The following IL2RA variants were observed in gnomAD, a reference collection of about 807,000 sequenced individuals.
The protein encoded by IL2RA is interleukin 2 receptor subunit alpha.
IL2RA carries 24 observed loss-of-function variants against 37.8 expected under a neutral mutation model. The ratio of observed to expected loss-of-function variants is 0.63; its 90% confidence interval spans 0.46 to 0.89. IL2RA has a LOEUF of 0.89. IL2RA is among the 40% of genes least tolerant of loss of function. IL2RA has a pLI of 0.00. For missense variants in IL2RA, 319 were observed against 348.6 expected (o/e 0.92, Z 0.68); for synonymous variants, 125 against 114.6 (o/e 1.09, Z -0.58).
In IL2RA at chr10:6,018,644, A is replaced by C. The variant is rs1007820872; in HGVS notation, c.728-525T>G. Among the ~76,000 whole-genome samples, 6 of 151,740 alleles carry C rather than the reference A, an allele frequency of 4.0e-5. No homozygotes were observed. Among genetic ancestry groups the C allele is most frequent in the Non-Finnish European group, 8.8e-5 (6 of 67,944 alleles). ...ACTGGCTACGTGGCTCCTTCCTCCC[A>C]CTCTTGACCCCTGGCAGAGGCCCGG... On this transcript the variant is annotated intron_variant, in intron 6 of 7. Coordinates refer to ENST00000379959, the MANE Select transcript of IL2RA (RefSeq NM_000417.3). The surrounding 1 kb of genome is among the most constrained non-coding windows in gnomAD (Gnocchi z 5.1).
rs1429139963 is a variant in IL2RA at position 6,012,057 on chromosome 10, T to G, written c.*815A>C. 2 of 152,412 alleles carry G rather than the reference T, an allele frequency of 1.3e-5. No individual in the cohort carries two copies. The highest frequency in any genetic ancestry group is 2.9e-5 in the Non-Finnish European group (2 of 68,094). 9.4% of individuals were successfully genotyped at this position (152,412 alleles called of 1,614,324 possible). A position where few individuals can be genotyped will look rare whatever the true frequency, so the allele number is the denominator to read the frequency against. ...GTGCAGGCCAAATTCAGGGTATCAT[T>G]CATAGCAATCCCAAAGAAACTAACT... On this transcript the variant is annotated 3_prime_UTR_variant, in exon 8 of 8. Transcript: ENST00000379959. This position sits in a 1 kb window ranked among gnomAD's most constrained non-coding sequence, Gnocchi z 4.8.
chr10:6,027,792 A>G (rs934480414), intron 1 of IL2RA, among the ~76,000 whole-genome samples: 3 of 152,200 alleles, frequency 2.0e-5, no homozygotes, highest in African/African-American at 7.2e-5. Context: ...TAACTCCTGC[A>G]AAAGTTTGTC....
chr10:6,040,571 A>C (rs1371705257), intron 1 of IL2RA, among the ~76,000 whole-genome samples: 1 of 152,156 alleles, frequency 6.6e-6, no homozygotes, highest in Non-Finnish European at 1.5e-5. Flanking sequence ...TTTCTTAGCC[A>C]TCATTAAATC....
At chr10:6,037,715 C>G (rs894941576) in intron 1 of IL2RA, among the ~76,000 whole-genome samples, 6 of 152,090 alleles carry the variant, frequency 3.9e-5, no homozygotes, top group Non-Finnish European at 8.8e-5. Flanking sequence ...CTCACTGCCC[C>G]CCTGTGGCCC....
rs57093239 is a variant in IL2RA, at chr10:6,042,148, C to CAAAAAAAAAAAAAAAAAAAAA, written c.65-16124_65-16123insTTTTTTTTTTTTTTTTTTTTT. 8.6e-3 allele frequency among the ~76,000 whole-genome samples: 465 copies of CAAAAAAAAAAAAAAAAAAAAA among 54,126 alleles called. 175 individuals carry two copies. The highest frequency in any genetic ancestry group is 0.077 in the East Asian group (92 of 1,190). The allele number at this position is 54,126 out of a possible 152,430, so 35.5% of individuals were successfully genotyped here. A position where few individuals can be genotyped will look rare whatever the true frequency, so the allele number is the denominator to read the frequency against. ...CACCTGATGCTAGCAATGTATTAAG[C>CAAAAAAAAAAAAAAAAAAAAA]AAAAAAAAAAAAAAAAAAAATTCTG... On this transcript the variant is annotated intron_variant, in intron 1 of 7. Coordinates refer to ENST00000379959, the MANE Select transcript of IL2RA (RefSeq NM_000417.3).
chr10:6,014,996 G>A lies in IL2RA; in HGVS notation c.795-2100C>T, dbSNP rs1315203019. Among the ~76,000 whole-genome samples, 1 of 152,156 alleles carries A rather than the reference G, an allele frequency of 6.6e-6. No individual in the cohort carries two copies. Among genetic ancestry groups the A allele is most frequent in the Non-Finnish European group, 1.5e-5 (1 of 68,018 alleles). On this transcript the variant is annotated intron_variant, in intron 7 of 7. Coordinates refer to ENST00000379959, the MANE Select transcript of IL2RA (RefSeq NM_000417.3). This position sits in a 1 kb window ranked among gnomAD's most constrained non-coding sequence, Gnocchi z 4.4. Reference sequence around the variant, plus strand: ...AGTTTGTATCAGGGTTGGCCAGAGTGGATGCTGGCAGGGGTCAGGGAGGCC... The same window carrying A: ...AGTTTGTATCAGGGTTGGCCAGAGTAGATGCTGGCAGGGGTCAGGGAGGCC...
intron 1 of IL2RA, among the ~76,000 whole-genome samples, chr10:6,059,420 G>A (rs1017773266): frequency 6.6e-6 from 1 of 152,196 alleles, no homozygotes; most frequent in Non-Finnish European, 1.5e-5. Flanking sequence ...TGGCTATGAA[G>A]ATTACAATAG....
rs1474859100 is a variant in IL2RA at position 6,054,106 on chromosome 10, T to G, written c.64+7982A>C. 6.6e-6 allele frequency among the ~76,000 whole-genome samples: 1 copy of G among 152,240 alleles called. No individual in the cohort carries two copies. Among genetic ancestry groups the G allele is most frequent in the Non-Finnish European group, 1.5e-5 (1 of 68,046 alleles). On this transcript the variant is annotated intron_variant, in intron 1 of 7. Transcript: ENST00000379959. This position sits in a 1 kb window ranked among gnomAD's most constrained non-coding sequence, Gnocchi z 4.5. ...CCCACCCATGCCACCCACACTTTGTTGCCCTGGAGTTTCCTGCCACCTGAA... is the reference window on the plus strand; with the variant it reads ...CCCACCCATGCCACCCACACTTTGTGGCCCTGGAGTTTCCTGCCACCTGAA...
chr10:6,021,391 T>A lies in IL2RA; in HGVS notation c.583+87A>T, dbSNP rs1341641377. On this transcript the variant is annotated intron_variant, in intron 4 of 7. Transcript: ENST00000379959. This position sits in a 1 kb window ranked among gnomAD's most constrained non-coding sequence, Gnocchi z 4.9. The stretch of plus-strand genomic sequence containing the variant: ...AAGGGTCTTGTCCAAGGACCACTCT[T>A]GTCCAGCAGGAGTGGTCAGGGATTC... The A allele has an allele frequency of 9.0e-7, 1 of 1,110,800 alleles. No homozygotes were observed. The highest frequency in any genetic ancestry group is 1.5e-5 in the African/African-American group (1 of 65,160). The allele number at this position is 1,110,800 out of a possible 1,614,324, so 68.8% of individuals were successfully genotyped here.
chr10:6,047,796 ATAATT>A lies in IL2RA; in HGVS notation c.64+14287_64+14291del, dbSNP rs1435890419. On this transcript the variant is annotated intron_variant, in intron 1 of 7. Transcript: ENST00000379959. This position sits in a 1 kb window ranked among gnomAD's most constrained non-coding sequence, Gnocchi z 5.0. ...AAAATACTATAGTATACTCATTAATATAATTAGTATATTATATGATAAATATATAT... is the reference window on the plus strand; with the variant it reads ...AAAATACTATAGTATACTCATTAATAAGTATATTATATGATAAATATATAT... Among the ~76,000 whole-genome samples the A allele has an allele frequency of 6.8e-6, 1 of 147,594 alleles. No homozygotes were observed. The highest frequency in any genetic ancestry group is 2.5e-5 in the African/African-American group (1 of 40,706).
rs1284354215 is a variant in IL2RA at position 6,048,872 on chromosome 10, C to G, written c.64+13216G>C. Among the ~76,000 whole-genome samples, 2 of 152,208 alleles carry G rather than the reference C, an allele frequency of 1.3e-5. No individual in the cohort carries two copies. Among genetic ancestry groups the G allele is most frequent in the East Asian group, 3.8e-4 (2 of 5,206 alleles). On this transcript the variant is annotated intron_variant, in intron 1 of 7. Transcript: ENST00000379959. This position sits in a 1 kb window ranked among gnomAD's most constrained non-coding sequence, Gnocchi z 5.3. ...GGGAGACTCCAAGACACAGCTCATG[C>G]CCAACTTCAAAATCTCTGCTTCCAC...
chr10:6,041,116 CTTTTTT>C (rs34852465), intron 1 of IL2RA, among the ~76,000 whole-genome samples: 2 of 126,480 alleles, frequency 1.6e-5, no homozygotes, highest in Admixed American at 8.2e-5. Flanking sequence ...TGAGTTAATT[CTTTTTT>C]TTTTTTTTTT....
chr10:6,043,499 C>T lies in IL2RA; in HGVS notation c.65-17474G>A, dbSNP rs139590736. 8.6e-4 allele frequency among the ~76,000 whole-genome samples: 131 copies of T among 152,092 alleles called. 1 individual carries two copies. The highest frequency in any genetic ancestry group is 3.0e-3 in the African/African-American group (123 of 41,484). On this transcript the variant is annotated intron_variant, in intron 1 of 7. Transcript: ENST00000379959. Reference sequence around the variant, plus strand: ...TGTCACCCAGGCTGCAGTGCAATGGCGAGATCTGGGCTCACTGCAACCTCT... The same window carrying T: ...TGTCACCCAGGCTGCAGTGCAATGGTGAGATCTGGGCTCACTGCAACCTCT...
chr10:6,050,109 G>GA (rs1839926699), intron 1 of IL2RA, among the ~76,000 whole-genome samples: 1 of 152,318 alleles, frequency 6.6e-6, no homozygotes, highest in East Asian at 1.9e-4. Context: ...TCTTGCAGCC[G>GA]AAAGGGCATC....
At position 6,018,044 on chromosome 10, in the gene IL2RA, C is replaced by T. The variant is rs1466500886; in HGVS notation, c.794+9G>A. ...TGACCAAGGGCTGCCTTGGTGATGC[C>T]ACACTTACTGTCTCCGCTGCCAGGT... is the stretch of plus-strand genomic sequence containing the variant. On this transcript the variant is annotated intron_variant, in intron 7 of 7. Coordinates refer to ENST00000379959, the MANE Select transcript of IL2RA (RefSeq NM_000417.3). This position sits in a 1 kb window ranked among gnomAD's most constrained non-coding sequence, Gnocchi z 5.1. 2.5e-6 allele frequency: 4 copies of T among 1,612,894 alleles called. No homozygotes were observed. In the Admixed American group the frequency reaches 5.0e-5, roughly 20 times the overall value.
chr10:6,025,380 G>A lies in IL2RA; in HGVS notation c.256+454C>T, dbSNP rs561273885. On this transcript the variant is annotated intron_variant, in intron 2 of 7. Transcript: ENST00000379959. The surrounding 1 kb of genome is among the most constrained non-coding windows in gnomAD (Gnocchi z 4.4). ...AATAAAAATAAAATTGTGTGGCCGG[G>A]CACTGTGACTCATGCCTGTAATCCC... Among the ~76,000 whole-genome samples the A allele has an allele frequency of 3.0e-4, 45 of 151,690 alleles. No homozygotes were observed. The highest frequency in any genetic ancestry group is 4.9e-4 in the Non-Finnish European group (33 of 67,942).
In IL2RA at chr10:6,044,191, G is replaced by A. The variant is rs985182373; in HGVS notation, c.64+17897C>T. On this transcript the variant is annotated intron_variant, in intron 1 of 7. Transcript: ENST00000379959. The surrounding 1 kb of genome is among the most constrained non-coding windows in gnomAD (Gnocchi z 4.5). ...AAGGTGGTAGTGATGCAGGACAAGC[G>A]AGCCCCGAGGTGGGGCTTAGCCCGC... is the stretch of plus-strand genomic sequence containing the variant. Among the ~76,000 whole-genome samples, 3 of 152,254 alleles carry A rather than the reference G, an allele frequency of 2.0e-5. No homozygotes were observed. The highest frequency in any genetic ancestry group is 1.9e-4 in the East Asian group (1 of 5,200).
Position 6,025,955 on chromosome 10 carries a change from G to C in IL2RA, c.135C>G (p.Thr45=). The change falls in exon 2 of 8, where the codon ACC becomes ACG. Residue 45 remains threonine (T), a synonymous_variant. Coordinates refer to ENST00000379959, the MANE Select transcript of IL2RA (RefSeq NM_000417.3). The surrounding 1 kb of genome is among the most constrained non-coding windows in gnomAD (Gnocchi z 4.4). ...TFKAMAYKEG[T]MLNCECKRGF... ...CTCTCTTGCATTCACAGTTCAACAT[G>C]GTTCCTTCCTTGTAGGCCATGGCTT... 6.2e-7 allele frequency: 1 copy of C among 1,614,132 alleles called. No individual in the cohort carries two copies. The highest frequency in any genetic ancestry group is 8.5e-7 in the Non-Finnish European group (1 of 1,180,022).
At chr10:6,061,898 G>A (rs1271115360) in intron 1 of IL2RA, among the ~76,000 whole-genome samples, 190 bp downstream of exon 1, 5 of 152,144 alleles carry the variant, frequency 3.3e-5, no homozygotes, top group Non-Finnish European at 7.3e-5. Context: ...GCTATTTCAG[G>A]CTCTCTTGAC....
Sources: gnomAD v4.1 joint callset for allele counts (sites outside exome capture counted in the v4.1 genomes callset) on GRCh38, gnomAD v4.1.1 for gene constraint, Gnocchi (gnomAD v3.1) non-coding constraint, MANE v1.5 for transcripts, NCBI Gene and HGNC (gene_info 2026-07-23, HGNC 2026-07-21) for gene names.